Variants in PRSS38 observed in about 807,000 individuals in gnomAD.
The protein encoded by PRSS38 is marapsin 2.
PRSS38 carries 22 observed loss-of-function variants against 26.8 expected under a neutral mutation model. The ratio of observed to expected loss-of-function variants is 0.82; its 90% confidence interval spans 0.59 to 1.17. The LOEUF (loss-of-function observed/expected upper bound fraction) is 1.17, where lower values mean the gene tolerates loss of function less well. PRSS38 is among the 50% of genes most tolerant of loss of function. PRSS38 has a pLI of 0.00. For synonymous variants in PRSS38, 175 were observed against 172.1 expected (o/e 1.02, Z -0.13); for missense variants, 427 against 422.7 (o/e 1.01, Z -0.09).
At chr1:227,844,487 C>T (rs1330232127) in intron 3 of PRSS38, among the ~76,000 whole-genome samples, 1 of 151,680 alleles carries the variant, frequency 6.6e-6, no homozygotes, top group Admixed American at 6.6e-5. Flanking sequence ...GGTGGGACTC[C>T]TCCCTATGTG....
rs1461407030 is a variant in PRSS38, at chr1:227,820,268, CTTT to C, written c.583+2789_583+2791del. On this transcript the variant is annotated intron_variant, in intron 3 of 4. Transcript: ENST00000366757. The stretch of plus-strand genomic sequence containing the variant: ...TCTATGAATAGAGATTGTTTTACTT[CTTT>C]GTTTCCAATTTGAATGGCTGTTATT... Among the ~76,000 whole-genome samples, 6 of 151,268 alleles carry C rather than the reference CTTT, an allele frequency of 4.0e-5. No individual in the cohort carries two copies. The East Asian group carries it at 1.2e-3, about 29-fold the overall frequency.
rs549687337 is a variant in PRSS38, at chr1:227,824,047, T to C, written c.583+6567T>C. On this transcript the variant is annotated intron_variant, in intron 3 of 4. Coordinates refer to ENST00000366757, the Ensembl canonical transcript of PRSS38. ...ATCTCTATATAGTTTTCAATAGAGG[T>C]TGTACTAATTTTCTTTTTTTTCTTC... 3.9e-5 allele frequency among the ~76,000 whole-genome samples: 6 copies of C among 152,246 alleles called. No homozygotes were observed. In the South Asian group the frequency reaches 1.0e-3, roughly 26 times the overall value.
At chr1:227,823,225 C>T (rs937294075) in intron 3 of PRSS38, among the ~76,000 whole-genome samples, 2 of 152,148 alleles carry the variant, frequency 1.3e-5, no homozygotes, top group African/African-American at 4.8e-5. Flanking sequence ...AGATAATGGC[C>T]TCCAGTTCCA....
chr1:227,844,330 ACC>A (rs1441680048), intron 3 of PRSS38, among the ~76,000 whole-genome samples: 1 of 151,524 alleles, frequency 6.6e-6, no homozygotes, highest in East Asian at 2.0e-4. Context: ...TTCCTCCCCT[ACC>A]CCCCATGAGT....
rs1572078973 is a variant in PRSS38, at chr1:227,816,957, T to C, written c.312-252T>C. 6.6e-6 allele frequency among the ~76,000 whole-genome samples: 1 copy of C among 152,246 alleles called. No individual in the cohort carries two copies. Among genetic ancestry groups the C allele is most frequent in the African/African-American group, 2.4e-5 (1 of 41,464 alleles). On this transcript the variant is annotated intron_variant, in intron 2 of 4. Transcript: ENST00000366757. The surrounding 1 kb of genome is among the most constrained non-coding windows in gnomAD (Gnocchi z 5.1). ...AGTAAGAGTCAGAGCAGGTCTCACA[T>C]GCATGGGCTGCTGGCCTGTACAGCT... is the stretch of plus-strand genomic sequence containing the variant.
chr1:227,844,176 G>T (rs554369426), intron 3 of PRSS38, among the ~76,000 whole-genome samples: 16 of 152,306 alleles, frequency 1.1e-4, no homozygotes, highest in African/African-American at 3.9e-4. Flanking sequence ...CACAGGATTG[G>T]GGTTAGGGCT....
chr1:227,830,087 T>G (rs1665131351), intron 3 of PRSS38, among the ~76,000 whole-genome samples: 1 of 152,194 alleles, frequency 6.6e-6, no homozygotes, highest in Admixed American at 6.5e-5. Flanking sequence ...TATTGATATA[T>G]TATATTCAAT....
At chr1:227,840,441 GC>G (rs926528281) in intron 3 of PRSS38, among the ~76,000 whole-genome samples, 71 of 152,020 alleles carry the variant, frequency 4.7e-4, no homozygotes, top group African/African-American at 1.6e-3. Context: ...AATGGTTGGG[GC>G]GGAAAAGAAC....
exon 5 of PRSS38, chr1:227,846,282 C>T: frequency 6.4e-7 from 1 of 1,562,602 alleles, no homozygotes; most frequent in Non-Finnish European, 8.6e-7. Context: ...GACCCCTAAG[C>T]ATCTCCTGTC....
At chr1:227,826,749 C>A (rs1352785612) in intron 3 of PRSS38, among the ~76,000 whole-genome samples, 1 of 151,846 alleles carries the variant, frequency 6.6e-6, no homozygotes, top group Non-Finnish European at 1.5e-5. Flanking sequence ...AGAGGGCATT[C>A]TCTTGTGACG....
intron 2 of PRSS38, 80 bp from the exon 3 acceptor site, chr1:227,817,129 C>T: frequency 6.8e-7 from 1 of 1,468,766 alleles, no homozygotes; most frequent in Non-Finnish European, 9.3e-7. Flanking sequence ...GTGCCAGCCC[C>T]TTGCGCTTGG....
intron 3 of PRSS38, among the ~76,000 whole-genome samples, chr1:227,838,438 T>C (rs1404427852): frequency 6.6e-6 from 1 of 152,162 alleles, no homozygotes; most frequent in Non-Finnish European, 1.5e-5. Flanking sequence ...AGTCTAGTGG[T>C]CAGAGCCAGC....
At chr1:227,838,193 T>C (rs775982575) in intron 3 of PRSS38, among the ~76,000 whole-genome samples, 2 of 152,260 alleles carry the variant, frequency 1.3e-5, no homozygotes, top group Non-Finnish European at 2.9e-5. Context: ...TTGCCTATTG[T>C]AAGTTTACAA....
intron 3 of PRSS38, among the ~76,000 whole-genome samples, chr1:227,834,003 T>C (rs1437756884): frequency 6.6e-6 from 1 of 152,114 alleles, no homozygotes; most frequent in African/African-American, 2.4e-5. Flanking sequence ...TTGTCCAATA[T>C]GACTGAAGGA....
rs146414180 is a variant in PRSS38 at position 227,816,139 on chromosome 1, G to A, written c.198G>A (p.Ala66=). Residue 66 remains alanine, a synonymous_variant, in exon 2 of 5, where the codon GCG becomes GCA. Transcript: ENST00000366757. This position sits in a 1 kb window ranked among gnomAD's most constrained non-coding sequence, Gnocchi z 5.1. ...GGAAAATCCTGGGCGGCGTCCCTGCGCCCGAGAGGAAGTGGCCGTGGCAGG... is the reference window on the plus strand; with the variant it reads ...GGAAAATCCTGGGCGGCGTCCCTGCACCCGAGAGGAAGTGGCCGTGGCAGG... 3,447 of 1,613,748 alleles carry A rather than the reference G, an allele frequency of 2.1e-3. 63 individuals are homozygous for A. The Admixed American group carries it at 0.041, about 19-fold the overall frequency.
chr1:227,840,969 C>T (rs1456318203), intron 3 of PRSS38, among the ~76,000 whole-genome samples: 1 of 152,232 alleles, frequency 6.6e-6, no homozygotes, highest in Non-Finnish European at 1.5e-5. Context: ...CCACCAGCTT[C>T]CAAAACCAAG....
At chr1:227,838,939 C>A (rs1316388081) in intron 3 of PRSS38, among the ~76,000 whole-genome samples, 3 of 152,172 alleles carry the variant, frequency 2.0e-5, no homozygotes, top group Non-Finnish European at 4.4e-5. Context: ...CCTGCCTTGG[C>A]CTCCCAAAGT....
rs59585305 is a variant in PRSS38, at chr1:227,822,554, T to C, written c.583+5074T>C. On this transcript the variant is annotated intron_variant, in intron 3 of 4. Transcript: ENST00000366757. ...CTGTGGTGTTTTGATTGTTGAAAGC[T>C]ATAGTAGTCTGTTTAATGATTTTCC... Among the ~76,000 whole-genome samples the C allele has an allele frequency of 3.5e-3, 538 of 152,352 alleles. 13 individuals are homozygous for C. Among genetic ancestry groups the C allele is most frequent in the Admixed American group, 0.029 (442 of 15,296 alleles).
chr1:227,845,318 G>T, intron 3 of PRSS38, 152 bp from the exon 4 acceptor site: 1 of 605,868 alleles, frequency 1.7e-6, no homozygotes, highest in Non-Finnish European at 2.9e-6. Context: ...TATGTGTGGT[G>T]GGACTCATCC....
Sources: allele counts gnomAD v4.1 joint callset (sites outside exome capture counted in the v4.1 genomes callset), GRCh38; gene constraint gnomAD v4.1.1; non-coding constraint Gnocchi (gnomAD v3.1); transcripts MANE v1.5; gene names NCBI Gene and HGNC (gene_info 2026-07-23, HGNC 2026-07-21).